PRICKLE2: variants seen among roughly 807,000 people sequenced by gnomAD.
The protein encoded by PRICKLE2 is prickle planar cell polarity protein 2, also known as prickle-like protein 2.
PRICKLE2 carries 21 observed loss-of-function variants against 81.4 expected under a neutral mutation model. The observed-to-expected ratio is 0.26, with a 90% CI of 0.18 to 0.37. The LOEUF is 0.37. Ranked by LOEUF, PRICKLE2 falls within the 10% of genes least tolerant of loss-of-function variation. The probability of loss-of-function intolerance (pLI) is 1.00; values close to 1 mark genes in which losing one functional copy is unlikely to be tolerated. For missense variants in PRICKLE2, 940 were observed against 1,109.0 expected, an observed-to-expected ratio of 0.85 and a Z score of 2.16; for synonymous variants, 456 against 421.5, an observed-to-expected ratio of 1.08 and a Z score of -1.00.
Position 64,225,303 on chromosome 3 carries a change from A to C in PRICKLE2, c.-434T>G, listed in dbSNP as rs2079015996. On this transcript the variant is annotated 5_prime_UTR_variant, in exon 1 of 8. Coordinates refer to ENST00000638394, the MANE Select transcript of PRICKLE2 (RefSeq NM_198859.4). The stretch of plus-strand genomic sequence containing the variant: ...GACAATCTGAAGGAAGAAGTCATAG[A>C]CTCCAGCCCAGCGTCACCAGCTGAT... The C allele has an allele frequency of 1.0e-6, 1 of 985,076 alleles. No individual in the cohort carries two copies. The highest frequency in any genetic ancestry group is 1.2e-6 in the Non-Finnish European group (1 of 829,938). 61.0% of individuals were successfully genotyped at this position (985,076 alleles called of 1,614,324 possible).
chr3:64,178,641 T>G (rs1225261769), intron 2 of PRICKLE2, among the ~76,000 whole-genome samples: 1 of 152,200 alleles, frequency 6.6e-6, no homozygotes, highest in East Asian at 1.9e-4. Context: ...AACAGGATAT[T>G]ACATTTTGCA....
intron 1 of PRICKLE2, among the ~76,000 whole-genome samples, chr3:64,206,949 G>C (rs1174426308): frequency 6.6e-6 from 1 of 152,186 alleles, no homozygotes; most frequent in African/African-American, 2.4e-5. Flanking sequence ...ACCCAGGCTG[G>C]AGGGCAGTGG....
intron 4 of PRICKLE2, among the ~76,000 whole-genome samples, chr3:64,159,191 C>T (rs2077689562): frequency 6.6e-6 from 1 of 152,170 alleles, no homozygotes; most frequent in Non-Finnish European, 1.5e-5. Flanking sequence ...TCTTCACTCC[C>T]CTGAACCCAC....
At chr3:64,267,901 G>C (rs2079736006) in intron 2 of PRICKLE2, 1 of 152,238 alleles carries the variant, frequency 6.6e-6, no homozygotes, top group South Asian at 2.1e-4. Context: ...CCACTTACCC[G>C]GCTTAGCCTT....
chr3:64,255,943 G>T (rs899106136), intron 2 of PRICKLE2, among the ~76,000 whole-genome samples: 1 of 152,226 alleles, frequency 6.6e-6, no homozygotes, highest in South Asian at 2.1e-4. Context: ...ACTATGGAGC[G>T]ACTCTGAGGA....
At chr3:64,134,291 A>G (rs572728963) in intron 7 of PRICKLE2, among the ~76,000 whole-genome samples, 96 of 152,298 alleles carry the variant, frequency 6.3e-4, no homozygotes, top group African/African-American at 2.2e-3. Context: ...GCAAGAAGTA[A>G]AAAAAGCTCT....
intron 1 of PRICKLE2, among the ~76,000 whole-genome samples, chr3:64,203,891 C>T (rs529638114): frequency 2.0e-5 from 3 of 151,774 alleles, no homozygotes; most frequent in African/African-American, 7.3e-5. Context: ...GGCACGAGAA[C>T]CGCTTGAACC....
intron 3 of PRICKLE2, among the ~76,000 whole-genome samples, chr3:64,161,860 C>A (rs2077740254): frequency 6.6e-6 from 1 of 152,102 alleles, no homozygotes; most frequent in Non-Finnish European, 1.5e-5. Context: ...TTGTAAAAAC[C>A]CGCATTTTCA....
At chr3:64,108,198 A>C (rs1475264962) in intron 7 of PRICKLE2, among the ~76,000 whole-genome samples, 3 of 152,184 alleles carry the variant, frequency 2.0e-5, no homozygotes, top group African/African-American at 7.2e-5. Context: ...CTTTATAGAC[A>C]CAGGTTGTCA....
chr3:64,107,733 G>A (rs2076779123), intron 7 of PRICKLE2, among the ~76,000 whole-genome samples: 1 of 152,164 alleles, frequency 6.6e-6, no homozygotes, highest in Non-Finnish European at 1.5e-5. Context: ...TATAGTCCCA[G>A]CTACTGGGGA....
At chr3:64,130,152 T>G (rs1359779754) in intron 7 of PRICKLE2, among the ~76,000 whole-genome samples, 1 of 152,216 alleles carries the variant, frequency 6.6e-6, no homozygotes, top group Non-Finnish European at 1.5e-5. Flanking sequence ...ATCAATGTGG[T>G]TGATGTTTAC....
At chr3:64,185,120 T>C (rs2078200979) in intron 2 of PRICKLE2, among the ~76,000 whole-genome samples, 1 of 152,180 alleles carries the variant, frequency 6.6e-6, no homozygotes, top group African/African-American at 2.4e-5. Context: ...ATACAGAGAT[T>C]AAGTGTTCAC....
At chr3:64,135,179 G>C (rs763633334) in intron 7 of PRICKLE2, among the ~76,000 whole-genome samples, 14 of 152,194 alleles carry the variant, frequency 9.2e-5, no homozygotes, top group Non-Finnish European at 1.6e-4. Flanking sequence ...CTCAGACTTA[G>C]CACAGCTGAG....
chr3:64,099,652 A>T lies in PRICKLE2; in HGVS notation c.1934T>A (p.Phe645Tyr), dbSNP rs200281793. Residue 645 changes from phenylalanine to tyrosine, a missense_variant, in exon 8 of 8, where the codon TTT (phenylalanine) becomes TAT (tyrosine). Transcript: ENST00000638394. The surrounding 1 kb of genome is among the most constrained non-coding windows in gnomAD (Gnocchi z 4.3). Reference sequence around the variant, plus strand: ...CTTGCTGCCCGCCATCCCTCCATCAAAATCAAAGCTCTGATGCATCCTTCC... The same window carrying T: ...CTTGCTGCCCGCCATCCCTCCATCATAATCAAAGCTCTGATGCATCCTTCC... ...SHGRMHQSFDFDGGMAGSKLP... is the reference protein window; with the variant it reads ...SHGRMHQSFDYDGGMAGSKLP... 6.2e-7 allele frequency: 1 copy of T among 1,614,090 alleles called. No individual in the cohort carries two copies. Among genetic ancestry groups the T allele is most frequent in the South Asian group, 1.1e-5 (1 of 91,074 alleles).
rs1156386568 is a variant in PRICKLE2 at position 64,254,261 on chromosome 3, C to A, written c.129-55294G>T. 2.6e-5 allele frequency among the ~76,000 whole-genome samples: 4 copies of A among 152,286 alleles called. No homozygotes were observed. The East Asian group carries it at 5.8e-4, about 22-fold the overall frequency. On this transcript the variant is annotated intron_variant, in intron 2 of 8. Coordinates refer to the PRICKLE2 transcript ENST00000295902. ...TTTATTTATGAGCTTGATTCCTTTA[C>A]ACTAACACACAGCCAGGTTTAGATA...
rs374354711 is a variant in PRICKLE2 at position 64,132,039 on chromosome 3, C to G, written c.1660+14791G>C. ...AAGCTCCTAGAACTGGACAAGTTCT[C>G]TCTTGCCTCAGGGCCTTTGCATATA... On this transcript the variant is annotated intron_variant, in intron 7 of 7. Transcript: ENST00000638394. Among the ~76,000 whole-genome samples the G allele has an allele frequency of 7.2e-5, 11 of 152,368 alleles. No individual in the cohort carries two copies. The East Asian group carries it at 1.4e-3, about 19-fold the overall frequency.
chr3:64,197,702 G>A (rs2078482916), intron 2 of PRICKLE2, among the ~76,000 whole-genome samples: 1 of 152,134 alleles, frequency 6.6e-6, no homozygotes, highest in African/African-American at 2.4e-5. Context: ...CTACCACAGA[G>A]TGAAGGCTGG....
At chr3:64,193,367 A>G (rs1350879965) in intron 2 of PRICKLE2, among the ~76,000 whole-genome samples, 1 of 152,196 alleles carries the variant, frequency 6.6e-6, no homozygotes, top group African/African-American at 2.4e-5. Flanking sequence ...TCATTTAGAC[A>G]GTAATTGCCC....
chr3:64,148,235 A>C (rs988921793), intron 6 of PRICKLE2, among the ~76,000 whole-genome samples: 1 of 152,200 alleles, frequency 6.6e-6, no homozygotes, highest in Non-Finnish European at 1.5e-5. Flanking sequence ...CACTCTAGTT[A>C]GGCATCTGCT....
Sources: allele counts gnomAD v4.1 joint callset (sites outside exome capture counted in the v4.1 genomes callset), GRCh38; gene constraint gnomAD v4.1.1; non-coding constraint Gnocchi (gnomAD v3.1); transcripts MANE v1.5; gene names NCBI Gene and HGNC (gene_info 2026-07-23, HGNC 2026-07-21).